DNAJC15: variants seen among roughly 807,000 people sequenced by gnomAD.
DNAJC15 encodes the protein DnaJ heat shock protein family (Hsp40) member C15, also known as dnaJ homolog subfamily C member 15.
DNAJC15 carries 27 observed loss-of-function variants against 22.4 expected under a neutral mutation model. The observed-to-expected ratio is 1.20, with a 90% CI of 0.89 to 1.66. DNAJC15 has a LOEUF of 1.66. DNAJC15 is among the 40% of genes most tolerant of loss of function. The pLI, the probability that DNAJC15 is intolerant of heterozygous loss-of-function variation, is 0.00. For synonymous variants in DNAJC15, 79 were observed against 63.2 expected (o/e 1.25, Z -1.19); for missense variants, 208 against 187.1 (o/e 1.11, Z -0.65).
chr13:43,080,556 A>G (rs1358325870), intron 4 of DNAJC15, among the ~76,000 whole-genome samples: 1 of 152,232 alleles, frequency 6.6e-6, no homozygotes, highest in Non-Finnish European at 1.5e-5. Context: ...ACTACTCAAT[A>G]AATAGCAGCC....
At chr13:43,041,716 T>C (rs2040454975) in intron 1 of DNAJC15, among the ~76,000 whole-genome samples, 1 of 152,264 alleles carries the variant, frequency 6.6e-6, no homozygotes, top group South Asian at 2.1e-4. Context: ...AGAAGCAATC[T>C]ATGATTCAGA....
At chr13:43,070,115 A>G (rs2040601923) in intron 3 of DNAJC15, among the ~76,000 whole-genome samples, 1 of 152,176 alleles carries the variant, frequency 6.6e-6, no homozygotes. Flanking sequence ...CAAAAAATGA[A>G]TTGCTTCTTT....
chr13:43,069,053 T>C, intron 3 of DNAJC15, 50 bp downstream of exon 3: 3 of 1,540,420 alleles, frequency 1.9e-6, no homozygotes, highest in African/African-American at 1.4e-5. Context: ...TTTTTGTTCA[T>C]ATGACATATT....
intron 5 of DNAJC15, among the ~76,000 whole-genome samples, chr13:43,100,039 C>A (rs1187055068): frequency 1.3e-5 from 2 of 151,942 alleles, no homozygotes; most frequent in African/African-American, 4.8e-5. Context: ...TTTACTGATT[C>A]AGTCTCTTGT....
At chr13:43,037,740 T>G (rs536746711) in intron 1 of DNAJC15, among the ~76,000 whole-genome samples, 1 of 152,204 alleles carries the variant, frequency 6.6e-6, no homozygotes, top group Non-Finnish European at 1.5e-5. Context: ...ATGCCCTAAC[T>G]TAAAAAAATT....
chr13:43,029,533 C>CT (rs11355558), intron 1 of DNAJC15, among the ~76,000 whole-genome samples: 11 of 148,868 alleles, frequency 7.4e-5, no homozygotes, highest in Admixed American at 2.7e-4. Flanking sequence ...ATTTTGGTGC[C>CT]TTTTTTTTTT....
In DNAJC15 at chr13:43,056,293, C is replaced by A. The variant is rs113251474; in HGVS notation, c.109-9393C>A. Among the ~76,000 whole-genome samples, 211 of 152,092 alleles carry A rather than the reference C, an allele frequency of 1.4e-3. 1 individual carries two copies. The highest frequency in any genetic ancestry group is 4.9e-3 in the African/African-American group (203 of 41,480). On this transcript the variant is annotated intron_variant, in intron 1 of 5. Coordinates refer to ENST00000379221, the MANE Select transcript of DNAJC15 (RefSeq NM_013238.3). Reference sequence around the variant, plus strand: ...AGCTGGGACTACAGGCATGCACCACCACGCCTGGCTAATTTTGTATTTTTA... The same window carrying A: ...AGCTGGGACTACAGGCATGCACCACAACGCCTGGCTAATTTTGTATTTTTA...
At chr13:43,028,806 C>G (rs1472896477) in intron 1 of DNAJC15, among the ~76,000 whole-genome samples, 2 of 152,122 alleles carry the variant, frequency 1.3e-5, no homozygotes, top group Admixed American at 6.5e-5. Context: ...GAAGCCTTCC[C>G]TGACCCCAGT....
chr13:43,084,118 A>G (rs17064152), intron 4 of DNAJC15, among the ~76,000 whole-genome samples: 2,600 of 152,300 alleles, frequency 0.017, 91 homozygotes, highest in East Asian at 0.11. Context: ...ACTTAAATGA[A>G]TAACATTCTA....
intron 1 of DNAJC15, among the ~76,000 whole-genome samples, chr13:43,041,217 C>T (rs1047820189): frequency 6.6e-6 from 1 of 152,278 alleles, no homozygotes; most frequent in Middle Eastern, 3.4e-3. Context: ...GGTTTTGTGT[C>T]CCTGGGTACT....
In DNAJC15 at chr13:43,065,851, A is replaced by G. The variant is rs2040581060; in HGVS notation, c.160+114A>G. ...TGAGGTTTTGGTTTTCAGACATAAT[A>G]CATTCTCATTCTTTCCACCATTTGT... On this transcript the variant is annotated intron_variant, in intron 2 of 5. Coordinates refer to ENST00000379221, the MANE Select transcript of DNAJC15 (RefSeq NM_013238.3). The G allele has an allele frequency of 8.3e-6, 7 of 844,112 alleles. No individual in the cohort carries two copies. The Admixed American group carries it at 1.4e-4, about 17-fold the overall frequency. 52.3% of individuals were successfully genotyped at this position (844,112 alleles called of 1,614,324 possible).
chr13:43,082,357 T>C (rs1405366737), intron 4 of DNAJC15, among the ~76,000 whole-genome samples: 1 of 152,162 alleles, frequency 6.6e-6, no homozygotes, highest in East Asian at 1.9e-4. Flanking sequence ...CTACATTTAG[T>C]TTTTATACTA....
intron 4 of DNAJC15, among the ~76,000 whole-genome samples, chr13:43,080,408 C>T (rs1344479824): frequency 3.3e-5 from 5 of 152,190 alleles, no homozygotes; most frequent in Admixed American, 6.5e-5. Context: ...TTTGTGGCTG[C>T]GTAGTATTCC....
Position 43,107,326 on chromosome 13 carries a change from A to C in DNAJC15, c.*78A>C. The C allele has an allele frequency of 8.0e-7, 1 of 1,254,128 alleles. No homozygotes were observed. Among genetic ancestry groups the C allele is most frequent in the Non-Finnish European group, 1.1e-6 (1 of 933,590 alleles). The allele number at this position is 1,254,128 out of a possible 1,614,324, so 77.7% of individuals were successfully genotyped here. A position where few individuals can be genotyped will look rare whatever the true frequency, so the allele number is the denominator to read the frequency against. The stretch of plus-strand genomic sequence containing the variant: ...AAAGCCCTGCAAAATATTCTAAAAC[A>C]TGGTCTTCTTAATTTTCTATATGGA... On this transcript the variant is annotated 3_prime_UTR_variant, in exon 6 of 6. Coordinates refer to ENST00000379221, the MANE Select transcript of DNAJC15 (RefSeq NM_013238.3).
At chr13:43,026,426 T>C (rs936682998) in intron 1 of DNAJC15, among the ~76,000 whole-genome samples, 2 of 152,242 alleles carry the variant, frequency 1.3e-5, no homozygotes, top group African/African-American at 4.8e-5. Flanking sequence ...TTCAAATTAT[T>C]GTGCAACCAA....
intron 5 of DNAJC15, among the ~76,000 whole-genome samples, chr13:43,089,064 T>C (rs1027965082): frequency 2.0e-5 from 3 of 152,220 alleles, no homozygotes; most frequent in Non-Finnish European, 4.4e-5. Flanking sequence ...TGACACATCA[T>C]AAACTCTAAA....
intron 1 of DNAJC15, among the ~76,000 whole-genome samples, chr13:43,034,564 C>T (rs1173561898): frequency 1.3e-5 from 2 of 151,944 alleles, no homozygotes; most frequent in Non-Finnish European, 2.9e-5. Context: ...ATCCGCCCGC[C>T]TCGGCCTCCC....
intron 4 of DNAJC15, among the ~76,000 whole-genome samples, chr13:43,081,039 G>A (rs1397161916): frequency 2.0e-5 from 3 of 152,180 alleles, no homozygotes; most frequent in Non-Finnish European, 4.4e-5. Flanking sequence ...TAAAAATACT[G>A]TATGTGTTCT....
At chr13:43,069,033 C>A in intron 3 of DNAJC15, 30 bp downstream of exon 3, 1 of 1,591,276 alleles carries the variant, frequency 6.3e-7, no homozygotes. Context: ...AGTTAGAAGA[C>A]TCATTTTGAT....
Sources: gnomAD v4.1 joint callset for allele counts (sites outside exome capture counted in the v4.1 genomes callset) on GRCh38, gnomAD v4.1.1 for gene constraint, MANE v1.5 for transcripts, NCBI Gene and HGNC (gene_info 2026-07-23, HGNC 2026-07-21) for gene names.